TRMT10A: variants seen among roughly 807,000 people sequenced by gnomAD.
The protein encoded by TRMT10A is tRNA methyltransferase 10 homolog A.
A neutral mutation model predicts 40.4 loss-of-function variants in TRMT10A; 37 were observed. That is an observed-to-expected ratio of 0.92 (90% CI 0.71 to 1.21). TRMT10A has a LOEUF of 1.21. Ranked by LOEUF, TRMT10A falls within the 50% of genes most tolerant of loss-of-function variation. The pLI, the probability that TRMT10A is intolerant of heterozygous loss-of-function variation, is 0.00. For missense variants in TRMT10A, 388 were observed against 404.3 expected (o/e 0.96, Z 0.35); for synonymous variants, 103 against 134.1 (o/e 0.77, Z 1.60).
chr4:99,548,877 A>G lies in TRMT10A; in HGVS notation c.*211T>C. The G allele has an allele frequency of 2.3e-6, 1 of 437,852 alleles. No individual in the cohort carries two copies. The highest frequency in any genetic ancestry group is 3.9e-6 in the Non-Finnish European group (1 of 257,220). The allele number at this position is 437,852 out of a possible 1,614,324, so 27.1% of individuals were successfully genotyped here. A position where few individuals can be genotyped will look rare whatever the true frequency, so the allele number is the denominator to read the frequency against. On this transcript the variant is annotated 3_prime_UTR_variant, in exon 8 of 8. Coordinates refer to ENST00000394876, the MANE Select transcript of TRMT10A (RefSeq NM_001134665.3). Reference sequence around the variant, plus strand: ...AAAACAAAAACAAAAAAAATCACATACACATTTAAATCTTCTTACGCAAAA... The same window carrying G: ...AAAACAAAAACAAAAAAAATCACATGCACATTTAAATCTTCTTACGCAAAA...
At chr4:99,560,694 TTGATCCCCTGGATCAC>T (rs2110194427) in intron 1 of TRMT10A, among the ~76,000 whole-genome samples, 1 of 152,266 alleles carries the variant, frequency 6.6e-6, no homozygotes, top group South Asian at 2.1e-4. Context: ...AATATGTATT[TTGATCCCCTGGATCAC>T]TTTTATTTTC....
At chr4:99,562,869 T>G (rs1724494739) in intron 1 of TRMT10A, among the ~76,000 whole-genome samples, 4 of 151,474 alleles carry the variant, frequency 2.6e-5, no homozygotes, top group Admixed American at 2.6e-4. Context: ...TTGCCCAGGC[T>G]GGAGTGCAAT....
At chr4:99,558,013 C>A (rs1320419270) in intron 3 of TRMT10A, 36 bp downstream of exon 3, 2 of 1,508,348 alleles carry the variant, frequency 1.3e-6, no homozygotes, top group Non-Finnish European at 1.8e-6. Context: ...CGACCTAATT[C>A]ACATACAAGA....
Position 99,549,260 on chromosome 4 carries a change from T to C in TRMT10A, c.848A>G (p.Lys283Arg), listed in dbSNP as rs1560596721. The change falls in exon 8 of 8, where the codon AAA (lysine) becomes AGA (arginine). Residue 283 changes from lysine to arginine, a missense_variant. Physicochemically the swap from Lys to Arg is conservative, Grantham distance 26. Coordinates refer to ENST00000394876, the MANE Select transcript of TRMT10A (RefSeq NM_001134665.3). ...PQRKGAVPTD[K>R]ACESASHDNQ... ...GTCATGAGAAGCACTTTCACAGGCT[T>C]TGTCTGTGGGAACAGCTCCTTTCCG... 2.5e-6 allele frequency: 4 copies of C among 1,614,128 alleles called. No homozygotes were observed. In the East Asian group the frequency reaches 8.9e-5, roughly 36 times the overall value.
rs1188751685 is a variant in TRMT10A, at chr4:99,563,975, T to G, written c.-86A>C. The G allele has an allele frequency of 7.6e-7, 1 of 1,307,876 alleles. No individual in the cohort carries two copies. The highest frequency in any genetic ancestry group is 1.1e-6 in the Non-Finnish European group (1 of 940,676). The allele number at this position is 1,307,876 out of a possible 1,614,324, so 81.0% of individuals were successfully genotyped here. On this transcript the variant is annotated 5_prime_UTR_variant, in exon 1 of 8. Coordinates refer to ENST00000394876, the MANE Select transcript of TRMT10A (RefSeq NM_001134665.3). The stretch of plus-strand genomic sequence containing the variant: ...AGAAAGCCTTTCTGGGTTGGCCTGG[T>G]TACGGCTCACGCTTCCTTCCACAGA...
chr4:99,549,022 C>T lies in TRMT10A; in HGVS notation c.*66G>A. 12 of 1,426,542 alleles carry T rather than the reference C, an allele frequency of 8.4e-6. No homozygotes were observed. Among genetic ancestry groups the T allele is most frequent in the Non-Finnish European group, 1.1e-5 (12 of 1,074,556 alleles). 88.4% of individuals were successfully genotyped at this position (1,426,542 alleles called of 1,614,324 possible). A position where few individuals can be genotyped will look rare whatever the true frequency, so the allele number is the denominator to read the frequency against. On this transcript the variant is annotated 3_prime_UTR_variant, in exon 8 of 8. Transcript: ENST00000394876. ...AGAAAATAAAATGTTCTTCCAATTT[C>T]AATATTCTATATAGCACCTCACTTT...
intron 5 of TRMT10A, among the ~76,000 whole-genome samples, chr4:99,555,118 T>C (rs1398677072): frequency 2.0e-5 from 3 of 152,348 alleles, no homozygotes; most frequent in East Asian, 1.9e-4. Flanking sequence ...ATGGTATAAA[T>C]GATAAATTTA....
At chr4:99,558,020 A>C in intron 3 of TRMT10A, 29 bp downstream of exon 3, 1 of 1,520,758 alleles carries the variant, frequency 6.6e-7, no homozygotes, top group Non-Finnish European at 8.8e-7. Context: ...ATTCACATAC[A>C]AGATTTTTCT....
chr4:99,557,300 G>T, intron 4 of TRMT10A, 45 bp downstream of exon 4: 1 of 1,547,648 alleles, frequency 6.5e-7, no homozygotes, highest in South Asian at 1.2e-5. Context: ...TGCCACAAAA[G>T]ACATAAAAGA....
chr4:99,555,529 A>G (rs915647123), intron 5 of TRMT10A, among the ~76,000 whole-genome samples: 1 of 152,262 alleles, frequency 6.6e-6, no homozygotes, highest in African/African-American at 2.4e-5. Context: ...CAAATTTTAA[A>G]AAGTGAAAAT....
At chr4:99,559,010 T>C in intron 2 of TRMT10A, 144 bp downstream of exon 2, 1 of 850,590 alleles carries the variant, frequency 1.2e-6, no homozygotes, top group South Asian at 2.5e-5. Context: ...TTTCTTCTCT[T>C]GCGTTTTTCT....
At chr4:99,563,040 C>T (rs1018853862) in intron 1 of TRMT10A, among the ~76,000 whole-genome samples, 7 of 152,112 alleles carry the variant, frequency 4.6e-5, no homozygotes, top group South Asian at 2.1e-4. Context: ...AGGCTGGTCC[C>T]GAACTCCTGA....
chr4:99,561,972 G>C (rs1724415784), intron 1 of TRMT10A, among the ~76,000 whole-genome samples: 1 of 152,014 alleles, frequency 6.6e-6, no homozygotes, highest in African/African-American at 2.4e-5. Context: ...CTGAGGTCAG[G>C]AGTTCAAGAC....
chr4:99,551,505 T>C (rs535121262), intron 6 of TRMT10A, among the ~76,000 whole-genome samples: 2 of 152,284 alleles, frequency 1.3e-5, no homozygotes, highest in East Asian at 3.9e-4. Flanking sequence ...GCATTACTCA[T>C]GTGTTTGTGG....
chr4:99,556,606 T>C (rs1368424504), intron 4 of TRMT10A, among the ~76,000 whole-genome samples: 1 of 152,106 alleles, frequency 6.6e-6, no homozygotes, highest in Non-Finnish European at 1.5e-5. Context: ...CCTATTTAAG[T>C]TTGAATCAAG....
At chr4:99,563,872 C>T in intron 1 of TRMT10A, 41 bp downstream of exon 1, 2 of 697,588 alleles carry the variant, frequency 2.9e-6, no homozygotes, top group Non-Finnish European at 5.2e-6. Flanking sequence ...CCAGAGAATA[C>T]CATAGTGCGG....
At chr4:99,563,354 T>G (rs1724532538) in intron 1 of TRMT10A, 1 of 153,918 alleles carries the variant, frequency 6.5e-6, no homozygotes, top group African/African-American at 2.4e-5. Context: ...AAAACTGTCC[T>G]CAGCTCACAG....
In TRMT10A at chr4:99,548,101, T is replaced by C. The variant is rs1458004885; in HGVS notation, c.*987A>G. On this transcript the variant is annotated 3_prime_UTR_variant, in exon 8 of 8. Transcript: ENST00000394876. ...CACAAGTAATACAGATATATGGCAA[T>C]TCAATCATGTTATCATCAATTAAGA... is the stretch of plus-strand genomic sequence containing the variant. 1 of 152,154 alleles carries C rather than the reference T, an allele frequency of 6.6e-6. No individual in the cohort carries two copies. The highest frequency in any genetic ancestry group is 1.5e-5 in the Non-Finnish European group (1 of 68,000). The allele number at this position is 152,154 out of a possible 1,614,324, so 9.4% of individuals were successfully genotyped here.
At chr4:99,563,660 C>G (rs1205759434) in intron 1 of TRMT10A, 3 of 332,632 alleles carry the variant, frequency 9.0e-6, no homozygotes, top group African/African-American at 2.2e-5. Context: ...AGGCTCCCAG[C>G]CAGCAAACGC....
Sources: allele counts gnomAD v4.1 joint callset (sites outside exome capture counted in the v4.1 genomes callset), GRCh38; gene constraint gnomAD v4.1.1; transcripts MANE v1.5; gene names NCBI Gene and HGNC (gene_info 2026-07-23, HGNC 2026-07-21).